Variants in SCN8A observed in about 807,000 individuals in gnomAD.
SCN8A encodes the protein sodium voltage-gated channel alpha subunit 8.
A neutral mutation model predicts 184.1 loss-of-function variants in SCN8A; 30 were observed. The observed-to-expected ratio is 0.16, with a 90% confidence interval of 0.12 to 0.22. The LOEUF (loss-of-function observed/expected upper bound fraction) is 0.22. Ranked by LOEUF, SCN8A falls within the 10% of genes least tolerant of loss-of-function variation. The pLI is 1.00. For synonymous variants in SCN8A, 852 were observed against 907.0 expected (o/e 0.94, Z 1.09); for missense variants, 1,057 against 2,498.9 (o/e 0.42, Z 12.30).
intron 5 of SCN8A, 144 bp downstream of exon 5, chr12:51,687,363 T>C (rs1342203927): frequency 3.4e-6 from 3 of 893,970 alleles, no homozygotes; most frequent in East Asian, 5.4e-5. Flanking sequence ...TGTGGGCTTA[T>C]GTCTATGATT....
rs548697356 is a variant in SCN8A, at chr12:51,621,879, G to A, written c.-55+30520G>A. On this transcript the variant is annotated intron_variant, in intron 1 of 26. Transcript: ENST00000627620. ...TCCACATCAAAGAAAGAATGTGTAC[G>A]CCTGTGTTTTCAGGATTCTGTCTGC... Among the ~76,000 whole-genome samples the A allele has an allele frequency of 3.2e-4, 49 of 152,296 alleles. No individual in the cohort carries two copies. In the Middle Eastern group the frequency reaches 0.014, roughly 42 times the overall value.
In SCN8A at chr12:51,812,794, A is replaced by T. The variant is rs1938954611; in HGVS notation, c.*5365A>T. ...GTTTATAGTATGAAATTTCAATTTTACTTTGTACTGTACATCTTTTTACTT... is the reference window on the plus strand; with the variant it reads ...GTTTATAGTATGAAATTTCAATTTTTCTTTGTACTGTACATCTTTTTACTT... On this transcript the variant is annotated 3_prime_UTR_variant, in exon 27 of 27. Transcript: ENST00000627620. The T allele has an allele frequency of 6.6e-6, 1 of 152,238 alleles. No homozygotes were observed. The highest frequency in any genetic ancestry group is 6.5e-5 in the Admixed American group (1 of 15,280). 9.4% of individuals were successfully genotyped at this position (152,238 alleles called of 1,614,324 possible). A position where few individuals can be genotyped will look rare whatever the true frequency, so the allele number is the denominator to read the frequency against.
intron 1 of SCN8A, 39 bp from the exon 2 acceptor site, chr12:51,662,725 G>C: frequency 1.6e-6 from 2 of 1,284,868 alleles, no homozygotes; most frequent in Non-Finnish European, 2.2e-6. Flanking sequence ...TTTTAGAGCA[G>C]TGATTGATTA....
In SCN8A at chr12:51,751,331, C is replaced by T. The variant is rs761637103; in HGVS notation, c.2132-24C>T. The T allele has an allele frequency of 1.4e-5, 21 of 1,513,016 alleles. No individual in the cohort carries two copies. The East Asian group carries it at 4.7e-4, about 34-fold the overall frequency. The allele number at this position is 1,513,016 out of a possible 1,614,324, so 93.7% of individuals were successfully genotyped here. On this transcript the variant is annotated intron_variant, in intron 13 of 26. Coordinates refer to ENST00000627620, the MANE Select transcript of SCN8A (RefSeq NM_001330260.2). ...GGTTTTCTTGCTGTGATTGAGGGGC[C>T]ATCTTTGTTCTTACTTACTGTAGAA...
intron 1 of SCN8A, among the ~76,000 whole-genome samples, chr12:51,649,099 C>T (rs1306241836): frequency 2.6e-5 from 4 of 152,290 alleles, no homozygotes; most frequent in Admixed American, 1.3e-4. Context: ...CGAAATCCAG[C>T]GGGGCAGTCA....
At chr12:51,596,947 G>A (rs1475939006) in intron 1 of SCN8A, among the ~76,000 whole-genome samples, 2 of 152,200 alleles carry the variant, frequency 1.3e-5, no homozygotes, top group East Asian at 3.8e-4. Context: ...TGAAACTGGT[G>A]TGAGACTCAG....
At chr12:51,592,296 C>T (rs1185048762) in intron 1 of SCN8A, among the ~76,000 whole-genome samples, 1 of 151,952 alleles carries the variant, frequency 6.6e-6, no homozygotes, top group Non-Finnish European at 1.5e-5. Flanking sequence ...CCAGCAACAA[C>T]CACCGGTGGA....
chr12:51,755,558 G>A (rs892998313), intron 14 of SCN8A, among the ~76,000 whole-genome samples: 5 of 152,044 alleles, frequency 3.3e-5, no homozygotes, highest in African/African-American at 1.2e-4. Context: ...TGAGGCAGGA[G>A]GATCGCTTAA....
At position 51,702,773 on chromosome 12, in the gene SCN8A, G is replaced by T. The variant is rs369308669; in HGVS notation, c.993G>T (p.Gly331=). The T allele has an allele frequency of 6.3e-7, 1 of 1,581,614 alleles. No individual in the cohort carries two copies. Among genetic ancestry groups the T allele is most frequent in the Non-Finnish European group, 8.6e-7 (1 of 1,162,042 alleles). ...CCTGAACTTCCCTTTCTTTCTTTAG[G>T]CAATGCCCAGAGGGATACCAGTGTA... ...PLLCGNSSDA[G]QCPEGYQCMK... is the part of the protein sequence containing the mutation. Residue 331 remains glycine, a splice_region_variant and synonymous_variant, in exon 9 of 27, where the codon GGG becomes GGT. Coordinates refer to ENST00000627620, the MANE Select transcript of SCN8A (RefSeq NM_001330260.2).
At chr12:51,598,267 C>T (rs1265436131) in intron 1 of SCN8A, among the ~76,000 whole-genome samples, 1 of 152,104 alleles carries the variant, frequency 6.6e-6, no homozygotes, top group Non-Finnish European at 1.5e-5. Context: ...ACGTGGGGAA[C>T]TGCTCATATT....
chr12:51,784,289 T>C (rs1484609134), intron 21 of SCN8A, among the ~76,000 whole-genome samples: 1 of 152,152 alleles, frequency 6.6e-6, no homozygotes, highest in African/African-American at 2.4e-5. Context: ...CATGGTGTCT[T>C]ATGCCTGTAA....
chr12:51,667,443 C>T (rs1592366813), intron 2 of SCN8A, among the ~76,000 whole-genome samples: 4 of 152,118 alleles, frequency 2.6e-5, no homozygotes, highest in Admixed American at 2.6e-4. Context: ...TCACTGCAGC[C>T]TCAACCTCCT....
intron 1 of SCN8A, among the ~76,000 whole-genome samples, chr12:51,640,232 T>G (rs1334628522): frequency 3.1e-4 from 38 of 124,082 alleles, no homozygotes; most frequent in Admixed American, 4.2e-4. Context: ...TTTTTTTTTT[T>G]TTTTTTTTTT....
chr12:51,681,970 G>A (rs949304734), intron 2 of SCN8A, among the ~76,000 whole-genome samples: 7 of 151,916 alleles, frequency 4.6e-5, no homozygotes. Flanking sequence ...AAAAAGGTGG[G>A]GGCTTTTCAT....
chr12:51,767,265 A>G (rs1258269141), intron 16 of SCN8A, among the ~76,000 whole-genome samples: 2 of 151,874 alleles, frequency 1.3e-5, no homozygotes, highest in Non-Finnish European at 2.9e-5. Flanking sequence ...TCCTGTTCTT[A>G]TTTGTCTCAA....
intron 26 of SCN8A, among the ~76,000 whole-genome samples, chr12:51,801,650 C>T (rs1592171493): frequency 6.6e-6 from 1 of 152,178 alleles, no homozygotes; most frequent in African/African-American, 2.4e-5. Context: ...CTTAGTGGGC[C>T]CATATCAATA....
At chr12:51,594,061 T>C (rs1939291860) in intron 1 of SCN8A, among the ~76,000 whole-genome samples, 1 of 152,190 alleles carries the variant, frequency 6.6e-6, no homozygotes, top group Admixed American at 6.5e-5. Context: ...GAGGTCAGTA[T>C]TACTAAAGTC....
chr12:51,688,955 TTG>T, intron 5 of SCN8A, 48 bp from the exon 6 acceptor site: 1 of 1,583,346 alleles, frequency 6.3e-7, no homozygotes, highest in Non-Finnish European at 8.7e-7. Flanking sequence ...GTGTTTGTGT[TTG>T]TGTCTGTGTT....
intron 10 of SCN8A, 115 bp from the exon 11 acceptor site, chr12:51,706,307 C>T: frequency 9.7e-7 from 1 of 1,026,714 alleles, no homozygotes; most frequent in Non-Finnish European, 1.4e-6. Flanking sequence ...GGTTTCCTGC[C>T]TCCTTTTTTC....
Sources: gnomAD v4.1 joint callset for allele counts (sites outside exome capture counted in the v4.1 genomes callset) on GRCh38, gnomAD v4.1.1 for gene constraint, MANE v1.5 for transcripts, NCBI Gene and HGNC (gene_info 2026-07-23, HGNC 2026-07-21) for gene names.